Variants in CSMD1 observed in about 807,000 individuals in gnomAD.
The protein encoded by CSMD1 is CUB and sushi domain-containing protein 1.
A neutral mutation model predicts 417.5 loss-of-function variants in CSMD1; 213 were observed. That is an observed-to-expected ratio of 0.51 (90% CI 0.46 to 0.57). The LOEUF (loss-of-function observed/expected upper bound fraction) is 0.57, where lower values mean the gene tolerates loss of function less well. CSMD1 is among the 20% of genes least tolerant of loss of function. The pLI, the probability that CSMD1 is intolerant of heterozygous loss-of-function variation, is 0.00. For missense variants in CSMD1, 6,923 were observed against 4,529.7 expected (o/e 1.53, Z -15.17); for synonymous variants, 2,862 against 1,736.8 (o/e 1.65, Z -16.11).
chr8:3,105,651 CAT>C (rs1299286714), intron 46 of CSMD1, among the ~76,000 whole-genome samples: 10 of 152,128 alleles, frequency 6.6e-5, no homozygotes, highest in Admixed American at 2.0e-4. Flanking sequence ...ATATGTTAAA[CAT>C]ATGTGAGAAA....
At chr8:3,208,385 A>G (rs553108971) in intron 30 of CSMD1, among the ~76,000 whole-genome samples, 1 of 152,056 alleles carries the variant, frequency 6.6e-6, no homozygotes, top group South Asian at 2.1e-4. Flanking sequence ...TCCTGCCTCA[A>G]CCTCCCGAGC....
chr8:3,255,805 T>C (rs2117057902), intron 26 of CSMD1, among the ~76,000 whole-genome samples: 1 of 152,300 alleles, frequency 6.6e-6, no homozygotes, highest in African/African-American at 2.4e-5. Flanking sequence ...CCCTGACCTC[T>C]TGTGCTTCCC....
chr8:3,189,087 T>C, intron 34 of CSMD1, 76 bp from the exon 35 acceptor site: 5 of 1,385,026 alleles, frequency 3.6e-6, no homozygotes, highest in East Asian at 2.4e-5. Context: ...TTTCTTTCAC[T>C]GTGTGACCAC....
rs1284882125 is a variant in CSMD1, at chr8:3,187,884, G to C, written c.5605C>G (p.Leu1869Val). ...TCCATCTTACCTGAGAAGCTTCCCA[G>C]TCTGGGTGCGGTCACATCCCCACCA... Reference protein sequence around the residue: ...HDGGDVTAPRLGSFSGTTVPA... With the variant: ...HDGGDVTAPRVGSFSGTTVPA... Residue 1869 changes from leucine (L) to valine (V), a missense_variant, in exon 36 of 70, where the codon CTG becomes GTG. Leu to Val is a conservative substitution (Grantham distance 32). Transcript: ENST00000635120. 1.1e-5 allele frequency: 18 copies of C among 1,612,794 alleles called. No individual in the cohort carries two copies. The highest frequency in any genetic ancestry group is 1.7e-5 in the Admixed American group (1 of 59,936).
intron 2 of CSMD1, among the ~76,000 whole-genome samples, chr8:4,586,507 G>A (rs969115543): frequency 6.6e-6 from 1 of 152,164 alleles, no homozygotes; most frequent in African/African-American, 2.4e-5. Context: ...CCTTCTGGAT[G>A]AGCCACAGCT....
At chr8:4,269,514 T>C (rs534612104) in intron 3 of CSMD1, among the ~76,000 whole-genome samples, 1 of 152,192 alleles carries the variant, frequency 6.6e-6, no homozygotes, top group Admixed American at 6.6e-5. Flanking sequence ...CATGTTTTTA[T>C]CTAACTAAAA....
intron 8 of CSMD1, among the ~76,000 whole-genome samples, chr8:3,593,906 CT>C (rs1800972072): frequency 6.6e-6 from 1 of 152,136 alleles, no homozygotes; most frequent in East Asian, 1.9e-4. Flanking sequence ...TAAAACACTG[CT>C]TTTTCCCAAT....
intron 3 of CSMD1, among the ~76,000 whole-genome samples, chr8:4,410,282 G>A (rs1218136962): frequency 6.6e-6 from 1 of 152,128 alleles, no homozygotes; most frequent in Non-Finnish European, 1.5e-5. Flanking sequence ...CATTTCACAA[G>A]GGAAAACAAA....
intron 3 of CSMD1, among the ~76,000 whole-genome samples, chr8:4,148,340 G>A (rs1796387848): frequency 1.5e-5 from 2 of 134,496 alleles, no homozygotes; most frequent in Non-Finnish European, 3.1e-5. Flanking sequence ...GACAGAGGAA[G>A]GGAAACATCA....
At chr8:4,015,381 G>A (rs1796472234) in intron 4 of CSMD1, among the ~76,000 whole-genome samples, 1 of 152,002 alleles carries the variant, frequency 6.6e-6, no homozygotes, top group Non-Finnish European at 1.5e-5. Context: ...ATCTCTAGTA[G>A]CAGAATGCCT....
chr8:3,491,590 G>A (rs6985693), intron 11 of CSMD1, among the ~76,000 whole-genome samples: 14,660 of 152,218 alleles, frequency 0.096, 933 homozygotes, highest in African/African-American at 0.16. Flanking sequence ...CTTGCAAAAT[G>A]TCCAAGATTC....
intron 23 of CSMD1, among the ~76,000 whole-genome samples, chr8:3,330,942 A>C (rs1806850334): frequency 6.6e-6 from 1 of 152,182 alleles, no homozygotes; most frequent in African/African-American, 2.4e-5. Flanking sequence ...TAAATAAAAT[A>C]TTTCAAATAT....
chr8:4,177,889 A>C (rs575110955), intron 3 of CSMD1, among the ~76,000 whole-genome samples: 1 of 151,988 alleles, frequency 6.6e-6, no homozygotes, highest in African/African-American at 2.4e-5. Context: ...GGAAGAAGTT[A>C]AATCTCTGAA....
chr8:4,688,201 T>C (rs1038228406), intron 1 of CSMD1, among the ~76,000 whole-genome samples: 28 of 152,184 alleles, frequency 1.8e-4, no homozygotes, highest in African/African-American at 6.5e-4. Context: ...CAAGATTCTT[T>C]GGGTTTTAAA....
intron 3 of CSMD1, among the ~76,000 whole-genome samples, chr8:4,092,837 C>T (rs188824460): frequency 1.1e-3 from 160 of 152,166 alleles, no homozygotes; most frequent in African/African-American, 3.3e-3. Context: ...GATCAAAGCA[C>T]TTTGCTGGTT....
chr8:3,874,477 T>C (rs750461025), intron 5 of CSMD1, among the ~76,000 whole-genome samples: 1 of 152,194 alleles, frequency 6.6e-6, no homozygotes, highest in Non-Finnish European at 1.5e-5. Flanking sequence ...CTTGAACTTT[T>C]ACAGACTTCT....
chr8:3,772,941 T>G (rs1030843345), intron 5 of CSMD1, among the ~76,000 whole-genome samples: 3 of 151,872 alleles, frequency 2.0e-5, no homozygotes, highest in African/African-American at 7.3e-5. Context: ...AGTTCTGGGG[T>G]CTGGAGGTTC....
intron 26 of CSMD1, among the ~76,000 whole-genome samples, chr8:3,268,662 A>T (rs1270626812): frequency 6.6e-6 from 1 of 152,154 alleles, no homozygotes; most frequent in Non-Finnish European, 1.5e-5. Context: ...TTATTTCCGA[A>T]TAACATGTTT....
intron 8 of CSMD1, among the ~76,000 whole-genome samples, chr8:3,586,986 G>T (rs1219564267): frequency 6.6e-6 from 1 of 152,144 alleles, no homozygotes; most frequent in Admixed American, 6.5e-5. Context: ...TTTTAGTAGA[G>T]ACAGAGTTTC....
Sources: allele counts gnomAD v4.1 joint callset (sites outside exome capture counted in the v4.1 genomes callset), GRCh38; gene constraint gnomAD v4.1.1; transcripts MANE v1.5; gene names NCBI Gene and HGNC (gene_info 2026-07-23, HGNC 2026-07-21).